The following MAEA variants were observed in gnomAD, a reference collection of about 807,000 sequenced individuals.
MAEA encodes E3 ubiquitin-protein transferase MAEA.
In MAEA, 22 loss-of-function variants were observed where a neutral mutation model predicts 46.2. That is an observed-to-expected ratio of 0.48 (90% CI 0.34 to 0.68). MAEA has a LOEUF of 0.68. Among genes scored for constraint, MAEA ranks in the 30% least tolerant of loss-of-function variants. MAEA has a pLI of 0.01. For missense variants in MAEA, 393 were observed against 558.1 expected (o/e 0.70, Z 2.98); for synonymous variants, 246 against 222.6 (o/e 1.11, Z -0.94).
At chr4:1,322,943 C>CCTTTTTT (rs1560368750) in intron 4 of MAEA, among the ~76,000 whole-genome samples, 4 of 75,246 alleles carry the variant, frequency 5.3e-5, no homozygotes, top group Non-Finnish European at 4.8e-5. Context: ...TGAATACCCA[C>CCTTTTTT]TTTTTTTTTT....
At chr4:1,337,424 C>T in intron 7 of MAEA, 1 of 236,690 alleles carries the variant, frequency 4.2e-6, no homozygotes, top group Non-Finnish European at 8.5e-6. Context: ...CTGCCTGTGA[C>T]TGACTCCATC....
At chr4:1,293,394 TAATA>T (rs1178882431) in intron 1 of MAEA, among the ~76,000 whole-genome samples, 3 of 152,230 alleles carry the variant, frequency 2.0e-5, no homozygotes, top group South Asian at 2.1e-4. Context: ...CTGTCTCAAA[TAATA>T]AATAAATAAA....
Position 1,332,837 on chromosome 4 carries a change from C to T in MAEA, c.737C>T (p.Pro246Leu), listed in dbSNP as rs373443414. Residue 246 changes from proline to leucine, a missense_variant, in exon 6 of 9, where the codon CCG (proline) becomes CTG (leucine). Physicochemically the swap from Pro to Leu is moderately conservative, Grantham distance 98. Transcript: ENST00000303400. ...VRQAMGMLAF[P>L]PDTHISPYKD... ...CAGGCCATGGGCATGCTGGCCTTCC[C>T]GCCCGACACGCACATCTCCCCGTAC... 19 of 1,612,872 alleles carry T rather than the reference C, an allele frequency of 1.2e-5. No homozygotes were observed. Among genetic ancestry groups the T allele is most frequent in the South Asian group, 2.2e-5 (2 of 91,012 alleles).
chr4:1,290,746 CG>C (rs1235114719), intron 1 of MAEA, among the ~76,000 whole-genome samples: 4 of 152,204 alleles, frequency 2.6e-5, no homozygotes, highest in African/African-American at 9.7e-5. Context: ...CCTCCCAGAG[CG>C]CCCTGGTGTT....
intron 1 of MAEA, among the ~76,000 whole-genome samples, chr4:1,297,700 G>A (rs1385764176): frequency 6.6e-6 from 1 of 152,166 alleles, no homozygotes. Context: ...CGTCGTTCAC[G>A]TCACACCCAC....
At chr4:1,290,013 A>G (rs1733928293) in intron 1 of MAEA, 31 bp downstream of exon 1, 2 of 1,544,958 alleles carry the variant, frequency 1.3e-6, no homozygotes, top group African/African-American at 2.8e-5. Context: ...GGCTGAGGGC[A>G]GCGAAGGCGT....
In MAEA at chr4:1,322,475, A is replaced by G. The variant is rs547209724; in HGVS notation, c.551A>G (p.Asp184Gly). The G allele has an allele frequency of 6.2e-7, 1 of 1,613,910 alleles. No individual in the cohort carries two copies. The highest frequency in any genetic ancestry group is 1.1e-5 in the South Asian group (1 of 91,074). The change falls in exon 4 of 9, where the codon GAC (aspartate) becomes GGC (glycine). Residue 184 changes from aspartate to glycine, a missense_variant. By Grantham distance (94) the Asp-to-Gly change is moderately conservative. Transcript: ENST00000303400. ...GCCACCTGCCTGGCCTGGTGCCATGACAACAAGTCCCGGCTCCGGAAGATG... is the reference window on the plus strand; with the variant it reads ...GCCACCTGCCTGGCCTGGTGCCATGGCAACAAGTCCCGGCTCCGGAAGATG... ...ETATCLAWCH[D>G]NKSRLRKMKS...
At chr4:1,325,153 G>A (rs1319285825) in intron 4 of MAEA, among the ~76,000 whole-genome samples, 2 of 152,170 alleles carry the variant, frequency 1.3e-5, no homozygotes, top group Admixed American at 1.3e-4. Flanking sequence ...GAGCCAGACT[G>A]TGCTCTAACG....
At chr4:1,318,255 A>G (rs78746430) in intron 3 of MAEA, among the ~76,000 whole-genome samples, 4,825 of 152,288 alleles carry the variant, frequency 0.032, 197 homozygotes, top group East Asian at 0.2. Flanking sequence ...GGTGTGACCA[A>G]GCAACCTGGC....
chr4:1,322,631 G>T, intron 4 of MAEA, 128 bp downstream of exon 4: 1 of 1,271,118 alleles, frequency 7.9e-7, no homozygotes. Context: ...TGGGGGTTGG[G>T]TTTGGGAGTT....
chr4:1,325,447 G>A (rs1488806680), intron 4 of MAEA, among the ~76,000 whole-genome samples: 2 of 152,214 alleles, frequency 1.3e-5, no homozygotes, highest in Non-Finnish European at 2.9e-5. Flanking sequence ...TCACGACATA[G>A]ACACACTTAC....
At chr4:1,333,728 GCTCACCTCTGCACCCACCCCA>G (rs1432948620) in intron 6 of MAEA, among the ~76,000 whole-genome samples, 1 of 26,184 alleles carries the variant, frequency 3.8e-5, no homozygotes, top group Non-Finnish European at 6.7e-5. Flanking sequence ...CCATGCCCGT[GCTCACCTCTGCACCCACCCCA>G]TGCCCACCCC....
chr4:1,338,332 C>T (rs1387428798), intron 7 of MAEA, 90 bp from the exon 8 acceptor site: 2 of 1,013,802 alleles, frequency 2.0e-6, no homozygotes, highest in African/African-American at 3.2e-5. Flanking sequence ...GCCAGAAGGG[C>T]ACGCAGCCCA....
At chr4:1,300,698 G>C (rs960708092) in intron 1 of MAEA, among the ~76,000 whole-genome samples, 4 of 152,254 alleles carry the variant, frequency 2.6e-5, no homozygotes, top group Non-Finnish European at 5.9e-5. Flanking sequence ...GCAAGGAAGT[G>C]GCTGGCTAAG....
intron 5 of MAEA, chr4:1,329,772 A>T: frequency 1.0e-6 from 1 of 985,338 alleles, no homozygotes; most frequent in Non-Finnish European, 1.2e-6. Context: ...GGGAGCCCAG[A>T]GGGTGTTGTG....
intron 3 of MAEA, among the ~76,000 whole-genome samples, chr4:1,320,340 T>C (rs1737901047): frequency 6.9e-6 from 1 of 144,546 alleles, no homozygotes; most frequent in East Asian, 2.1e-4. Context: ...AGAAAAGAAA[T>C]CATCAAAGCA....
intron 3 of MAEA, among the ~76,000 whole-genome samples, chr4:1,317,175 T>TCCCACACTCCAGACTCACCC (rs1491095449): frequency 2.9e-4 from 1 of 3,502 alleles, no homozygotes; most frequent in Admixed American, 3.4e-3. Flanking sequence ...CAGACTCACC[T>TCCCACACTCCAGACTCACCC]GCAGGCCCAC....
intron 4 of MAEA, among the ~76,000 whole-genome samples, chr4:1,325,187 AC>A: frequency 6.6e-6 from 1 of 152,278 alleles, no homozygotes; most frequent in African/African-American, 2.4e-5. Context: ...AGCTGTGAGA[AC>A]CTAGATGGGA....
At chr4:1,327,894 C>T (rs1329475654) in intron 5 of MAEA, among the ~76,000 whole-genome samples, 191 bp downstream of exon 5, 1 of 152,190 alleles carries the variant, frequency 6.6e-6, no homozygotes, top group African/African-American at 2.4e-5. Context: ...GGAGTGAGGC[C>T]TGGAGCCTGG....
Sources: gnomAD v4.1 joint callset for allele counts (sites outside exome capture counted in the v4.1 genomes callset) on GRCh38, gnomAD v4.1.1 for gene constraint, MANE v1.5 for transcripts, NCBI Gene and HGNC (gene_info 2026-07-23, HGNC 2026-07-21) for gene names.